VMA21: variants seen among roughly 807,000 people sequenced by gnomAD.
The protein encoded by VMA21 is vacuolar ATPase assembly integral membrane protein VMA21.
For synonymous variants in VMA21, 47 were observed against 34.1 expected, an observed-to-expected ratio of 1.38 and a Z score of -1.32; for missense variants, 61 against 80.6, an observed-to-expected ratio of 0.76 and a Z score of 0.93.
Position 151,406,459 on chromosome X carries a change from C to T in VMA21, c.*1401C>T, listed in dbSNP as rs2011293168. The T allele has an allele frequency of 9.0e-6, 1 of 111,261 alleles. No homozygotes were observed. Among genetic ancestry groups the T allele is most frequent in the Admixed American group, 9.6e-5 (1 of 10,438 alleles). 9.2% of individuals were successfully genotyped at this position (111,261 alleles called of 1,213,427 possible). On this transcript the variant is annotated 3_prime_UTR_variant, in exon 3 of 3. Transcript: ENST00000330374. ...TGGTGCAATCTCGGCTCACTGCAAC[C>T]TCTGCCTCCTGGGTTCAAGTGATTC...
upstream of VMA21, chrX:151,397,100 G>A (rs1297101260): frequency 1.7e-5 from 6 of 362,240 alleles, no homozygotes; most frequent in Non-Finnish European, 2.3e-5. Context: ...CAACAGCCCT[G>A]CGTCGCTGCG....
chrX:151,397,385 C>T, intron 1 of VMA21, 24 bp downstream of exon 1: 1 of 1,157,640 alleles, frequency 8.6e-7, no homozygotes, highest in South Asian at 1.9e-5. Flanking sequence ...GGGCCTGGAC[C>T]GCGAGGCGGA....
upstream of VMA21, chrX:151,396,838 A>G (rs774482721): frequency 3.9e-6 from 2 of 517,880 alleles, no homozygotes; most frequent in Non-Finnish European, 7.1e-6. Context: ...TTCGCGGCTC[A>G]TATGCTCGGG....
upstream of VMA21, chrX:151,397,192 C>T: frequency 2.3e-6 from 2 of 875,040 alleles, no homozygotes; most frequent in Non-Finnish European, 3.1e-6. Flanking sequence ...CGGGCACTTC[C>T]GGCGCGAACC....
In VMA21 at chrX:151,407,943, G is replaced by GTGCAAGGAGAT. The variant is rs1429040486; in HGVS notation, c.*2892_*2893insAGATTGCAAGG. ...TTTTGCCCTTCTTGCCCAGGCTGGA[G>GTGCAAGGAGAT]TGCAAGGGCGCAATCTCGGCTCGCT... On this transcript the variant is annotated 3_prime_UTR_variant, in exon 3 of 3. Transcript: ENST00000330374. 5 of 107,882 alleles carry GTGCAAGGAGAT rather than the reference G, an allele frequency of 4.6e-5. No homozygotes were observed. In the East Asian group the frequency reaches 8.7e-4, roughly 19 times the overall value. 8.9% of individuals were successfully genotyped at this position (107,882 alleles called of 1,213,427 possible).
upstream of VMA21, chrX:151,397,045 G>A (rs778665256): frequency 1.8e-5 from 9 of 495,246 alleles, no homozygotes; most frequent in East Asian, 3.7e-5. Flanking sequence ...CGCACGCCGC[G>A]GAGCCACCGC....
Position 151,405,203 on chromosome X carries a change from C to G in VMA21, c.*145C>G. On this transcript the variant is annotated 3_prime_UTR_variant, in exon 3 of 3. Coordinates refer to ENST00000330374, the MANE Select transcript of VMA21 (RefSeq NM_001017980.4). Reference sequence around the variant, plus strand: ...TTTGAGTATGTAAATTTTGATCTTTCTAATATGTTGGTTTGTATATTCAGT... The same window carrying G: ...TTTGAGTATGTAAATTTTGATCTTTGTAATATGTTGGTTTGTATATTCAGT... 1 of 692,281 alleles carries G rather than the reference C, an allele frequency of 1.4e-6. No homozygotes were observed. The highest frequency in any genetic ancestry group is 2.9e-5 in the South Asian group (1 of 34,643). The allele number at this position is 692,281 out of a possible 1,213,427, so 57.1% of individuals were successfully genotyped here.
Position 151,404,918 on chromosome X carries a change from G to A in VMA21, c.166G>A (p.Ala56Thr), listed in dbSNP as rs140025330. 54 of 1,204,401 alleles carry A rather than the reference G, an allele frequency of 4.5e-5. No individual in the cohort carries two copies. The African/African-American group carries it at 7.7e-4, about 17-fold the overall frequency. ...FTTKSYIFEG[A>T]LGMSNRDSYF... is the part of the protein sequence containing the mutation. ...AACTGTTTTTTTTCTCTTGATAGGC[G>A]CCCTTGGGATGTCCAATAGGGACAG... Residue 56 changes from alanine (A) to threonine (T), a missense_variant and splice_region_variant, in exon 3 of 3, where the codon GCC becomes ACC. By Grantham distance (58) the Ala-to-Thr change is moderately conservative. Coordinates refer to ENST00000330374, the MANE Select transcript of VMA21 (RefSeq NM_001017980.4).
rs2011303315 is a variant in VMA21, at chrX:151,407,379, GTTTT to G, written c.*2323_*2326del. The G allele has an allele frequency of 8.9e-6, 1 of 112,819 alleles. No individual in the cohort carries two copies. The highest frequency in any genetic ancestry group is 3.2e-5 in the African/African-American group (1 of 30,974). The allele number at this position is 112,819 out of a possible 1,213,427, so 9.3% of individuals were successfully genotyped here. On this transcript the variant is annotated 3_prime_UTR_variant, in exon 3 of 3. Transcript: ENST00000330374. ...ACTGTTAACTCACTAGTTTGCTGCT[GTTTT>G]TAACTATGTTAAATAACATATGGTA...
At chrX:151,401,911 G>A (rs1045232179) in intron 1 of VMA21, among the ~76,000 whole-genome samples, 6 of 110,179 alleles carry the variant, frequency 5.4e-5, no homozygotes, top group Non-Finnish European at 7.6e-5. Context: ...CATGCCCAGC[G>A]AATTATCAAA....
At chrX:151,403,988 T>C (rs1356939492) in intron 2 of VMA21, among the ~76,000 whole-genome samples, 2 of 111,970 alleles carry the variant, frequency 1.8e-5, no homozygotes, top group Admixed American at 9.4e-5. Flanking sequence ...AGGGGTTGGC[T>C]GACATGGGAG....
chrX:151,401,602 G>A (rs1381953430), intron 1 of VMA21, among the ~76,000 whole-genome samples: 1 of 111,787 alleles, frequency 8.9e-6, no homozygotes. Context: ...TGCTTTGGGT[G>A]CTGTAGACAT....
intron 1 of VMA21, 128 bp from the exon 2 acceptor site, chrX:151,403,503 C>T (rs2011255163): frequency 3.6e-6 from 2 of 562,822 alleles, no homozygotes; most frequent in Non-Finnish European, 3.1e-6. Flanking sequence ...CTTCGGATTA[C>T]GAGTCCCTGC....
intron 1 of VMA21, 75 bp from the exon 2 acceptor site, chrX:151,403,556 A>G (rs548090686): frequency 1.1e-5 from 8 of 745,350 alleles, no homozygotes; most frequent in East Asian, 9.6e-5. Flanking sequence ...GTGGATGTTT[A>G]TAGTTTCAGG....
Position 151,401,225 on chromosome X carries a change from G to T in VMA21, c.54-2406G>T, listed in dbSNP as rs6627389. On this transcript the variant is annotated intron_variant, in intron 1 of 2. Transcript: ENST00000330374. ...TTTTTGTTTATGGTGTAAGAGTCCA[G>T]TTTTTTTCTTTGCATGTAGAAATCC... 4.0e-4 allele frequency among the ~76,000 whole-genome samples: 45 copies of T among 111,579 alleles called. No individual in the cohort carries two copies. In the East Asian group the frequency reaches 0.012, roughly 30 times the overall value.
Position 151,408,528 on chromosome X carries a change from T to A in VMA21, c.*3470T>A, listed in dbSNP as rs1294180614. The A allele has an allele frequency of 1.8e-5, 2 of 112,304 alleles. No individual in the cohort carries two copies. The highest frequency in any genetic ancestry group is 6.5e-5 in the African/African-American group (2 of 30,851). The allele number at this position is 112,304 out of a possible 1,213,427, so 9.3% of individuals were successfully genotyped here. A position where few individuals can be genotyped will look rare whatever the true frequency, so the allele number is the denominator to read the frequency against. ...CACAGAATTTGTCACTTGTCTGAGGTCAGTGGCAGGTTTCTCTGCTGTCAA... is the reference window on the plus strand; with the variant it reads ...CACAGAATTTGTCACTTGTCTGAGGACAGTGGCAGGTTTCTCTGCTGTCAA... On this transcript the variant is annotated 3_prime_UTR_variant, in exon 3 of 3. Transcript: ENST00000330374.
chrX:151,404,813 T>C, intron 2 of VMA21, 103 bp from the exon 3 acceptor site: 2 of 962,390 alleles, frequency 2.1e-6, no homozygotes. Context: ...ATTGCCTGAC[T>C]AGTTAAATAA....
intron 2 of VMA21, among the ~76,000 whole-genome samples, chrX:151,404,667 G>A (rs1262191125): frequency 9.1e-6 from 1 of 110,300 alleles, no homozygotes; most frequent in Non-Finnish European, 1.9e-5. Flanking sequence ...TGATCTGCCC[G>A]TCTTGGCCTC....
chrX:151,403,610 T>C, intron 1 of VMA21, 21 bp from the exon 2 acceptor site: 2 of 1,152,279 alleles, frequency 1.7e-6, no homozygotes, highest in Non-Finnish European at 2.4e-6. Flanking sequence ...TCTGATTTTC[T>C]CTTTGTTTAC....
Sources: allele counts gnomAD v4.1 joint callset (sites outside exome capture counted in the v4.1 genomes callset), GRCh38; gene constraint gnomAD v4.1.1; transcripts MANE v1.5; gene names NCBI Gene and HGNC (gene_info 2026-07-23, HGNC 2026-07-21).